WASL: variants seen among roughly 807,000 people sequenced by gnomAD.
The protein encoded by WASL is actin nucleation-promoting factor WASL.
In WASL, 20 loss-of-function variants were observed where a neutral mutation model predicts 55.5. That is an observed-to-expected ratio of 0.36 (90% confidence interval 0.25 to 0.52). The LOEUF (loss-of-function observed/expected upper bound fraction) is 0.52, where lower values mean the gene tolerates loss of function less well. Ranked by LOEUF, WASL falls within the 20% of genes least tolerant of loss-of-function variation. The pLI, the probability that WASL is intolerant of heterozygous loss-of-function variation, is 0.92. For synonymous variants in WASL, 249 were observed against 217.6 expected (o/e 1.14, Z -1.27); for missense variants, 504 against 622.5 (o/e 0.81, Z 2.03).
intron 6 of WASL, among the ~76,000 whole-genome samples, chr7:123,696,366 G>C (rs1406947528): frequency 6.9e-6 from 1 of 145,218 alleles, no homozygotes; most frequent in Non-Finnish European, 1.5e-5. Context: ...AGTTGAAAAA[G>C]TAAATAAACC....
chr7:123,697,358 CAAGA>C (rs1453304703), intron 5 of WASL, among the ~76,000 whole-genome samples: 1 of 152,044 alleles, frequency 6.6e-6, no homozygotes, highest in Non-Finnish European at 1.5e-5. Context: ...TCATCTTGTG[CAAGA>C]ATCAACAGTA....
At chr7:123,704,399 C>A (rs1021211096) in intron 5 of WASL, among the ~76,000 whole-genome samples, 2 of 152,010 alleles carry the variant, frequency 1.3e-5, no homozygotes, top group African/African-American at 4.8e-5. Flanking sequence ...AGAAAAATAT[C>A]AAAGAATATT....
chr7:123,687,756 CTTTT>C (rs34607411), intron 10 of WASL, among the ~76,000 whole-genome samples: 4 of 150,120 alleles, frequency 2.7e-5, no homozygotes, highest in African/African-American at 7.3e-5. Flanking sequence ...AAGGCAGGGA[CTTTT>C]TTTTTGTTAA....
intron 5 of WASL, among the ~76,000 whole-genome samples, chr7:123,699,693 G>A (rs1178284058): frequency 6.6e-6 from 1 of 152,156 alleles, no homozygotes; most frequent in Non-Finnish European, 1.5e-5. Flanking sequence ...AGCTGTCTCT[G>A]AGGAAGATTC....
chr7:123,746,947 A>AT (rs1284897839), intron 1 of WASL, among the ~76,000 whole-genome samples: 2 of 152,184 alleles, frequency 1.3e-5, no homozygotes, highest in Admixed American at 1.3e-4. Context: ...CAGCAACTGA[A>AT]TTTTTTTCAT....
intron 1 of WASL, among the ~76,000 whole-genome samples, chr7:123,732,202 CGCCTGTAGT>C (rs1804151218): frequency 6.6e-6 from 1 of 151,986 alleles, no homozygotes; most frequent in Non-Finnish European, 1.5e-5. Context: ...TGGTGGCGGA[CGCCTGTAGT>C]CCCGGCTACT....
intron 8 of WASL, among the ~76,000 whole-genome samples, chr7:123,693,692 A>G (rs1243225421): frequency 6.6e-6 from 1 of 152,222 alleles, no homozygotes; most frequent in Non-Finnish European, 1.5e-5. Flanking sequence ...TTGGCTGAGC[A>G]TGGTGGCTCA....
chr7:123,702,231 C>T (rs6466882), intron 5 of WASL, among the ~76,000 whole-genome samples: 68,962 of 151,594 alleles, frequency 0.45, 15,945 homozygotes, highest in South Asian at 0.67. Context: ...AATTTTTGTA[C>T]TTTTAATAGA....
chr7:123,683,294 T>A lies in WASL; in HGVS notation c.*1225A>T, dbSNP rs1387156908. ...ACCACCTTTAGGCAGATTAGTGTAG[T>A]GTAGAGAGGCAAAGAAACCCTAATT... is the stretch of plus-strand genomic sequence containing the variant. On this transcript the variant is annotated 3_prime_UTR_variant, in exon 11 of 11. Transcript: ENST00000223023. 6.6e-6 allele frequency: 1 copy of A among 151,962 alleles called. No individual in the cohort carries two copies. Among genetic ancestry groups the A allele is most frequent in the South Asian group, 2.1e-4 (1 of 4,832 alleles). The allele number at this position is 151,962 out of a possible 1,614,324, so 9.4% of individuals were successfully genotyped here.
chr7:123,686,980 CCTA>C (rs1423363092), intron 10 of WASL, among the ~76,000 whole-genome samples: 1 of 152,118 alleles, frequency 6.6e-6, no homozygotes, highest in Non-Finnish European at 1.5e-5. Flanking sequence ...TAACGAAATG[CCTA>C]CTCCACATCT....
At chr7:123,736,602 G>A (rs1030835043) in intron 1 of WASL, among the ~76,000 whole-genome samples, 1 of 151,996 alleles carries the variant, frequency 6.6e-6, no homozygotes, top group Non-Finnish European at 1.5e-5. Flanking sequence ...TCACATATGT[G>A]GTCCATCACT....
intron 1 of WASL, among the ~76,000 whole-genome samples, chr7:123,722,737 A>G (rs1160839232): frequency 6.6e-6 from 1 of 152,270 alleles, no homozygotes; most frequent in East Asian, 1.9e-4. Context: ...CCTGGGAGGC[A>G]GAGGTTGCAG....
At chr7:123,729,197 C>A (rs573864552) in intron 1 of WASL, among the ~76,000 whole-genome samples, 2 of 152,082 alleles carry the variant, frequency 1.3e-5, no homozygotes, top group African/African-American at 4.8e-5. Context: ...ATTTTATATA[C>A]TGAATATATT....
At chr7:123,694,361 A>T (rs1803460012) in intron 8 of WASL, among the ~76,000 whole-genome samples, 2 of 152,292 alleles carry the variant, frequency 1.3e-5, no homozygotes, top group South Asian at 4.1e-4. Context: ...GTATATTACT[A>T]ATTAGAAAGT....
At chr7:123,730,468 A>G (rs560084471) in intron 1 of WASL, among the ~76,000 whole-genome samples, 7 of 152,326 alleles carry the variant, frequency 4.6e-5, no homozygotes, top group Admixed American at 2.0e-4. Context: ...CTATTCACAA[A>G]GCACTAGAGT....
intron 10 of WASL, 47 bp downstream of exon 10, chr7:123,688,995 A>T (rs750249549): frequency 6.9e-7 from 1 of 1,447,690 alleles, no homozygotes; most frequent in Non-Finnish European, 9.5e-7. Context: ...ACACACACGC[A>T]CACTCTCTCT....
At chr7:123,732,153 C>T (rs1038705213) in intron 1 of WASL, among the ~76,000 whole-genome samples, 1 of 152,004 alleles carries the variant, frequency 6.6e-6, no homozygotes, top group African/African-American at 2.4e-5. Flanking sequence ...TGGTGAAACC[C>T]CGTCTCTACT....
chr7:123,720,336 T>C, intron 1 of WASL: 3 of 389,520 alleles, frequency 7.7e-6, no homozygotes, highest in Non-Finnish European at 1.5e-5. Flanking sequence ...TAGGATACCA[T>C]ACAGCTGCAA....
In WASL at chr7:123,694,591, T is replaced by A. The variant is rs1157827832; in HGVS notation, c.826+124A>T. 36 of 930,880 alleles carry A rather than the reference T, an allele frequency of 3.9e-5. No homozygotes were observed. The East Asian group carries it at 9.9e-4, about 26-fold the overall frequency. 57.7% of individuals were successfully genotyped at this position (930,880 alleles called of 1,614,324 possible). ...GACACAGTGTGATGGGCCACATTAG[T>A]TGTCCATAGACTTCAACATTCTGCT... On this transcript the variant is annotated intron_variant, in intron 8 of 10. Coordinates refer to ENST00000223023, the MANE Select transcript of WASL (RefSeq NM_003941.4).
Sources: allele counts gnomAD v4.1 joint callset (sites outside exome capture counted in the v4.1 genomes callset), GRCh38; gene constraint gnomAD v4.1.1; transcripts MANE v1.5; gene names NCBI Gene and HGNC (gene_info 2026-07-23, HGNC 2026-07-21).